The following TRIML1 variants were observed in gnomAD, a reference collection of about 807,000 sequenced individuals.
TRIML1 encodes the protein probable E3 ubiquitin-protein ligase TRIML1.
A neutral mutation model predicts 32.3 loss-of-function variants in TRIML1; 34 were observed. That is an observed-to-expected ratio of 1.05 (90% CI 0.80 to 1.40). The LOEUF (loss-of-function observed/expected upper bound fraction) is 1.40, where lower values mean the gene tolerates loss of function less well. TRIML1 is among the 40% of genes most tolerant of loss of function. The pLI is 0.00. For synonymous variants in TRIML1, 244 were observed against 226.6 expected (o/e 1.08, Z -0.69); for missense variants, 595 against 574.9 (o/e 1.03, Z -0.36).
At chr4:188,147,775 T>A (rs73877571), downstream of TRIML1, 16,322 of 155,760 alleles carry the variant, frequency 0.1, 1,188 homozygotes, top group South Asian at 0.32. Flanking sequence ...TTGTCCTCCG[T>A]GCAGAGCTCC....
chr4:188,144,118 C>G lies in TRIML1; in HGVS notation c.841C>G (p.Leu281Val), dbSNP rs544450902. The G allele has an allele frequency of 6.2e-7, 1 of 1,613,948 alleles. No individual in the cohort carries two copies. Among genetic ancestry groups the G allele is most frequent in the African/African-American group, 1.3e-5 (1 of 75,044 alleles). The part of the protein sequence containing the change: ...LCRITGMKEM[L>V]RKFSTEITLD... ...CCGCATCACGGGAATGAAGGAGATG[C>G]TAAGAAAATTCAGCAGTAAGTCAGC... The change falls in exon 5 of 6, where the codon CTA (leucine) becomes GTA (valine). Residue 281 changes from leucine to valine, a missense_variant. Leu to Val is a conservative substitution (Grantham distance 32). Transcript: ENST00000332517.
At position 188,142,429 on chromosome 4, in the gene TRIML1, A is replaced by G. The variant is rs187357829; in HGVS notation, c.682A>G (p.Met228Val). 6.2e-7 allele frequency: 1 copy of G among 1,613,980 alleles called. No individual in the cohort carries two copies. The highest frequency in any genetic ancestry group is 8.5e-7 in the Non-Finnish European group (1 of 1,180,004). Residue 228 changes from methionine to valine, a missense_variant, in exon 3 of 6, where the codon ATG becomes GTG. By Grantham distance (21) the Met-to-Val change is conservative. Transcript: ENST00000332517. ...LTQQIRSLSK[M>V]IAQIESSSQS... ...CCAGCAAATCAGAAGCCTAAGCAAA[A>G]TGATCGCACAGATTGAGTCCTCAAG...
At chr4:188,137,903 G>A (rs1385832717), upstream of TRIML1, among the ~76,000 whole-genome samples, 4 of 144,744 alleles carry the variant, frequency 2.8e-5, no homozygotes, top group Admixed American at 7.4e-5. Flanking sequence ...GTGAGCAACC[G>A]CGCCTGGCCA....
At chr4:188,149,731 G>C (rs1735201147), downstream of TRIML1, among the ~76,000 whole-genome samples, 1 of 152,142 alleles carries the variant, frequency 6.6e-6, no homozygotes, top group African/African-American at 2.4e-5. Context: ...ATCAGAGTTT[G>C]AGACTTGCAG....
At chr4:188,144,001 T>C (rs892655626) in intron 4 of TRIML1, 35 bp from the exon 5 acceptor site, 21 of 1,611,554 alleles carry the variant, frequency 1.3e-5, no homozygotes, top group Non-Finnish European at 1.7e-5. Context: ...TCACGCGGTC[T>C]GTGCCGAGGA....
chr4:188,139,685 A>G lies in TRIML1; in HGVS notation c.127A>G (p.Ser43Gly). Residue 43 changes from serine to glycine, a missense_variant, in exon 1 of 6, where the codon AGC (serine) becomes GGC (glycine). Ser to Gly is a moderately conservative substitution (Grantham distance 56, BLOSUM62 0). Coordinates refer to ENST00000332517, the MANE Select transcript of TRIML1 (RefSeq NM_178556.5). ...CTTTTGTCTGGTGTGTCTCCTCAGGAGCTGGGAGGAACATAACACACCTTT... is the reference window on the plus strand; with the variant it reads ...CTTTTGTCTGGTGTGTCTCCTCAGGGGCTGGGAGGAACATAACACACCTTT... ...HSFCLVCLLR[S>G]WEEHNTPLSC... 1 of 1,613,932 alleles carries G rather than the reference A, an allele frequency of 6.2e-7. No homozygotes were observed. The highest frequency in any genetic ancestry group is 2.2e-5 in the East Asian group (1 of 44,858).
chr4:188,144,165 G>A, intron 5 of TRIML1, 32 bp downstream of exon 5: 5 of 1,581,952 alleles, frequency 3.2e-6, no homozygotes, highest in Non-Finnish European at 4.3e-6. Context: ...CCCCTCCGGG[G>A]CTCGAAGAAT....
At chr4:188,142,132 A>T in intron 2 of TRIML1, 120 bp from the exon 3 acceptor site, 9 of 647,100 alleles carry the variant, frequency 1.4e-5, no homozygotes, top group Non-Finnish European at 2.2e-5. Flanking sequence ...AAAAAAAAAA[A>T]GAAAGAAAGA....
chr4:188,144,256 G>A (rs1043954966), intron 5 of TRIML1, 123 bp downstream of exon 5: 6 of 799,742 alleles, frequency 7.5e-6, no homozygotes, highest in African/African-American at 5.1e-5. Context: ...GGGCCAGCAC[G>A]GAACACCAGG....
intron 3 of TRIML1, 139 bp from the exon 4 acceptor site, chr4:188,143,699 C>T (rs1734948591): frequency 2.0e-6 from 2 of 1,006,936 alleles, no homozygotes; most frequent in Non-Finnish European, 1.5e-6. Flanking sequence ...ACGCTTTTCT[C>T]TGCTCTCTGT....
intron 3 of TRIML1, chr4:188,143,369 A>G (rs12498982): frequency 0.052 from 8,757 of 167,264 alleles, 478 homozygotes; most frequent in African/African-American, 0.15. Context: ...ACTTTCTTAA[A>G]CATAAGCCAT....
intron 1 of TRIML1, 114 bp from the exon 2 acceptor site, chr4:188,140,414 A>T: frequency 1.2e-6 from 1 of 809,632 alleles, no homozygotes; most frequent in Non-Finnish European, 2.0e-6. Flanking sequence ...GAGGCGCCGC[A>T]CCCAGCCTGC....
chr4:188,143,884 T>C lies in TRIML1; in HGVS notation c.758+24T>C, dbSNP rs1166622568. 2.5e-6 allele frequency: 4 copies of C among 1,613,952 alleles called. No individual in the cohort carries two copies. The South Asian group carries it at 3.3e-5, about 13-fold the overall frequency. ...AGGTAGGCTTTCATTCTGTGTTCAG[T>C]TATGCAAGCTGCGGGGCAGTGGTGC... On this transcript the variant is annotated intron_variant, in intron 4 of 5. Coordinates refer to ENST00000332517, the MANE Select transcript of TRIML1 (RefSeq NM_178556.5).
Position 188,144,224 on chromosome 4 carries a change from G to A in TRIML1, c.856+91G>A, listed in dbSNP as rs367837653. On this transcript the variant is annotated intron_variant, in intron 5 of 5. Transcript: ENST00000332517. Reference sequence around the variant, plus strand: ...GTGTCAGACATTCACGATCTGACACGAGGCTCCTGGTTAAGGAATCCGGGC... The same window carrying A: ...GTGTCAGACATTCACGATCTGACACAAGGCTCCTGGTTAAGGAATCCGGGC... 5 of 1,151,340 alleles carry A rather than the reference G, an allele frequency of 4.3e-6. No homozygotes were observed. The African/African-American group carries it at 4.5e-5, about 10-fold the overall frequency. The allele number at this position is 1,151,340 out of a possible 1,614,324, so 71.3% of individuals were successfully genotyped here.
intron 2 of TRIML1, among the ~76,000 whole-genome samples, chr4:188,141,482 T>A (rs1236979095): frequency 6.6e-6 from 1 of 152,158 alleles, no homozygotes; most frequent in African/African-American, 2.4e-5. Flanking sequence ...TTTGAATTCT[T>A]AAGTGAGAGT....
rs746651691 is a variant in TRIML1, at chr4:188,147,160, C to A, written c.1195C>A (p.His399Asn). 3.7e-6 allele frequency: 6 copies of A among 1,613,950 alleles called. No individual in the cohort carries two copies. The East Asian group carries it at 6.7e-5, about 18-fold the overall frequency. ...GGTCTCGTCACCTTTGAAAGGTCAG[C>A]ACGTCAGAGAGCCTGTGTGTAAGGT... Reference protein sequence around the residue: ...LWVSSPLKGQHVREPVCKVGV... With the variant: ...LWVSSPLKGQNVREPVCKVGV... Residue 399 changes from histidine (H) to asparagine (N), a missense_variant, in exon 6 of 6, where the codon CAC (histidine) becomes AAC (asparagine). Transcript: ENST00000332517.
downstream of TRIML1, among the ~76,000 whole-genome samples, chr4:188,148,903 T>TTTC (rs1172625130): frequency 1.9e-5 from 1 of 52,572 alleles, no homozygotes; most frequent in Non-Finnish European, 4.0e-5. Flanking sequence ...TGCCCAGGCT[T>TTTC]TTTTTTTTTT....
rs547886574 is a variant in TRIML1 at position 188,144,829 on chromosome 4, T to C, written c.856+696T>C. Among the ~76,000 whole-genome samples the C allele has an allele frequency of 2.0e-5, 3 of 152,254 alleles. No individual in the cohort carries two copies. The South Asian group carries it at 6.2e-4, about 32-fold the overall frequency. On this transcript the variant is annotated intron_variant, in intron 5 of 5. Coordinates refer to ENST00000332517, the MANE Select transcript of TRIML1 (RefSeq NM_178556.5). ...CCCAGTGAGGGTGCATTCAACGAAC[T>C]GTCCTTGTAGAATGCTCCAGATGTT...
At chr4:188,145,257 G>T (rs1018944644) in intron 5 of TRIML1, among the ~76,000 whole-genome samples, 2 of 148,692 alleles carry the variant, frequency 1.3e-5, no homozygotes, top group Admixed American at 1.3e-4. Flanking sequence ...GGCCAACATG[G>T]TGAAACTGCG....
Sources: gnomAD v4.1 joint callset for allele counts (sites outside exome capture counted in the v4.1 genomes callset) on GRCh38, gnomAD v4.1.1 for gene constraint, MANE v1.5 for transcripts, NCBI Gene and HGNC (gene_info 2026-07-23, HGNC 2026-07-21) for gene names.